TASOR2: variants seen among roughly 807,000 people sequenced by gnomAD.
TASOR2 encodes transcription activation suppressor family member 2.
Under a neutral mutation model 199.5 loss-of-function variants are expected in TASOR2, and 84 were observed. The observed-to-expected ratio is 0.42, with a 90% CI of 0.35 to 0.50. The LOEUF is 0.50. TASOR2 is among the 20% of genes least tolerant of loss of function. The pLI is 0.02. For missense variants in TASOR2, 2,796 were observed against 2,835.9 expected, an observed-to-expected ratio of 0.99 and a Z score of 0.32; for synonymous variants, 1,103 against 1,046.6, an observed-to-expected ratio of 1.05 and a Z score of -1.04.
chr10:5,705,527 G>A (rs1027308773), intron 1 of TASOR2, among the ~76,000 whole-genome samples: 4 of 152,114 alleles, frequency 2.6e-5, no homozygotes, highest in Admixed American at 6.5e-5. Context: ...CATATGGTAA[G>A]TATGTGTTTA....
chr10:5,758,778 G>A (rs371430919), intron 17 of TASOR2, 109 bp from the exon 19 acceptor site: 1 of 754,758 alleles, frequency 1.3e-6, no homozygotes. Flanking sequence ...TCAACCATGG[G>A]TCTTAGTCTG....
At chr10:5,739,806 A>G (rs1836136785) in exon 13 of TASOR2, 2 of 1,614,220 alleles carry the variant, frequency 1.2e-6, no homozygotes, top group Non-Finnish European at 8.5e-7. Flanking sequence ...AAGCTCTGCT[A>G]CTTCTTCCAC....
chr10:5,738,691 A>G lies in TASOR2; in HGVS notation c.1448-927A>G, dbSNP rs555369382. Among the ~76,000 whole-genome samples the G allele has an allele frequency of 6.6e-6, 1 of 152,262 alleles. No homozygotes were observed. The highest frequency in any genetic ancestry group is 1.9e-4 in the East Asian group (1 of 5,188). ...GCCTTGGCTGGCAGGTTGTTAATTC[A>G]TTTTGGACCTGCTACTATGATAAAG... On this transcript the variant is annotated intron_variant, in intron 12 of 20. Coordinates refer to ENST00000328090, the Ensembl canonical transcript of TASOR2. This position sits in a 1 kb window ranked among gnomAD's most constrained non-coding sequence, Gnocchi z 4.7.
rs1450669957 is a variant in TASOR2 at position 5,731,217 on chromosome 10, A to G, written c.1204+14A>G. ...AAAGAAAAAGAGGTAAGCACGATTT[A>G]TTTATGTGGGTTATTATAATAATAG... On this transcript the variant is annotated intron_variant, in intron 11 of 20. Coordinates refer to ENST00000328090, the Ensembl canonical transcript of TASOR2. 1.3e-6 allele frequency: 2 copies of G among 1,592,704 alleles called. No homozygotes were observed. Among genetic ancestry groups the G allele is most frequent in the Non-Finnish European group, 1.7e-6 (2 of 1,175,158 alleles).
At chr10:5,741,623 G>A (rs1836441475) in intron 13 of TASOR2, among the ~76,000 whole-genome samples, 1 of 152,194 alleles carries the variant, frequency 6.6e-6, no homozygotes, top group Non-Finnish European at 1.5e-5. Flanking sequence ...GTATAGTTCT[G>A]TTGAATTGCC....
intron 1 of TASOR2, among the ~76,000 whole-genome samples, chr10:5,695,674 G>A (rs867262733): frequency 6.6e-6 from 1 of 152,056 alleles, no homozygotes; most frequent in African/African-American, 2.4e-5. Flanking sequence ...AAAAGAATAA[G>A]GATATAAATC....
At position 5,730,706 on chromosome 10, in the gene TASOR2, T is replaced by C. The variant is rs535386103; in HGVS notation, c.707T>C (p.Leu236Ser). ...GATAGAATGAAAGACCCTACATTCT[T>C]GGGGAAACTGCCCAGTGGTTTTGAC... is the stretch of plus-strand genomic sequence containing the variant. The change falls in exon 11 of 21, where the codon TTG (leucine) becomes TCG (serine). Residue 236 changes from leucine (L) to serine (S), a missense_variant. Around this residue, in one of 3 missense-constraint regions of TASOR2, gnomAD observed 847 missense variants for 887.4 expected, o/e 0.95. Coordinates refer to ENST00000328090, the Ensembl canonical transcript of TASOR2. The surrounding 1 kb of genome is among the most constrained non-coding windows in gnomAD (Gnocchi z 4.1). The C allele has an allele frequency of 6.2e-7, 1 of 1,614,186 alleles. No homozygotes were observed. The highest frequency in any genetic ancestry group is 1.1e-5 in the South Asian group (1 of 91,076).
Position 5,742,224 on chromosome 10 carries a change from A to G in TASOR2, c.2455A>G (p.Asn819Asp). The stretch of plus-strand genomic sequence containing the variant: ...TTCCCGAAAGGTTGTAGAACACAGC[A>G]ACCCAGCAAAATATGTGTCTATAAA... The change falls in exon 14 of 21, where the codon AAC becomes GAC. Residue 819 changes from asparagine (N) to aspartate (D), a missense_variant. By Grantham distance (23) the Asn-to-Asp change is conservative. Coordinates refer to ENST00000328090, the Ensembl canonical transcript of TASOR2. The surrounding 1 kb of genome is among the most constrained non-coding windows in gnomAD (Gnocchi z 4.2). 6.2e-7 allele frequency: 1 copy of G among 1,614,182 alleles called. No individual in the cohort carries two copies. Among genetic ancestry groups the G allele is most frequent in the Non-Finnish European group, 8.5e-7 (1 of 1,180,022 alleles).
At chr10:5,731,082 T>G (rs757587391) in exon 11 of TASOR2, 1 of 1,613,840 alleles carries the variant, frequency 6.2e-7, no homozygotes, top group Non-Finnish European at 8.5e-7. Flanking sequence ...TGGTGCAGAG[T>G]AAAAAGGTGA....
At chr10:5,749,195 A>G (rs1564356178) in exon 15 of TASOR2, 2 of 1,614,104 alleles carry the variant, frequency 1.2e-6, no homozygotes, top group South Asian at 2.2e-5. Context: ...CTCAGGACTT[A>G]CGCCAACTTC....
chr10:5,759,740 G>A lies in TASOR2; in HGVS notation c.6992+748G>A, dbSNP rs146354477. 1.2e-4 allele frequency among the ~76,000 whole-genome samples: 18 copies of A among 152,376 alleles called. No homozygotes were observed. The East Asian group carries it at 3.3e-3, about 28-fold the overall frequency. ...TCAATCCCAGAAAGACGAAACGACTGTTAGCTGTATGTGACCTTTGAGGAA... is the reference window on the plus strand; with the variant it reads ...TCAATCCCAGAAAGACGAAACGACTATTAGCTGTATGTGACCTTTGAGGAA... On this transcript the variant is annotated intron_variant, in intron 18 of 20. Coordinates refer to ENST00000328090, the Ensembl canonical transcript of TASOR2.
In TASOR2 at chr10:5,720,807, T is replaced by C. The variant is rs745447023; in HGVS notation, c.46+33T>C. ...ATAGTTCATTGATTCTTTTAGGTTTTTTTTTTCTTGAGTAAATGTTTCATC... is the reference window on the plus strand; with the variant it reads ...ATAGTTCATTGATTCTTTTAGGTTTCTTTTTTCTTGAGTAAATGTTTCATC... On this transcript the variant is annotated intron_variant, in intron 5 of 20. Coordinates refer to ENST00000328090, the Ensembl canonical transcript of TASOR2. The surrounding 1 kb of genome is among the most constrained non-coding windows in gnomAD (Gnocchi z 5.3). 2.5e-6 allele frequency: 4 copies of C among 1,599,154 alleles called. No homozygotes were observed. The highest frequency in any genetic ancestry group is 1.8e-5 in the Admixed American group (1 of 56,430).
chr10:5,702,994 T>G (rs1436782729), intron 1 of TASOR2, among the ~76,000 whole-genome samples: 1 of 152,192 alleles, frequency 6.6e-6, no homozygotes, highest in African/African-American at 2.4e-5. Context: ...AGCCAAATAT[T>G]TTTTTGTGCT....
At chr10:5,721,185 A>C (rs1465204087) in intron 6 of TASOR2, among the ~76,000 whole-genome samples, 1 of 152,208 alleles carries the variant, frequency 6.6e-6, no homozygotes, top group Non-Finnish European at 1.5e-5. Context: ...TCTTGGGATA[A>C]ATTAAACTAT....
In TASOR2 at chr10:5,748,654, T is replaced by G. The variant is rs1320097892; in HGVS notation, c.5233T>G (p.Leu1745Val). 4.3e-6 allele frequency: 7 copies of G among 1,614,108 alleles called. No homozygotes were observed. In the South Asian group the frequency reaches 4.4e-5, roughly 10 times the overall value. ...GTCAACATGTGAAACAAAGGAGCTA[T>G]TGAATGTCGGGGTTTCCTCCCTTTG... Residue 1745 changes from leucine (L) to valine (V), a missense_variant, in exon 15 of 21, where the codon TTG (leucine) becomes GTG (valine). This residue lies in a region of TASOR2 where 1,941 missense variants were observed against 1,924.9 expected (regional missense o/e 1.01). Coordinates refer to ENST00000328090, the Ensembl canonical transcript of TASOR2. This position sits in a 1 kb window ranked among gnomAD's most constrained non-coding sequence, Gnocchi z 5.1.
intron 3 of TASOR2, among the ~76,000 whole-genome samples, chr10:5,718,750 A>G (rs1832976202): frequency 7.8e-6 from 1 of 128,282 alleles, no homozygotes; most frequent in Non-Finnish European, 1.7e-5. Context: ...CAAGAACAAA[A>G]AACTCTGTCT....
intron 19 of TASOR2, among the ~76,000 whole-genome samples, chr10:5,762,143 A>G (rs1222718117): frequency 6.6e-6 from 1 of 151,808 alleles, no homozygotes; most frequent in Non-Finnish European, 1.5e-5. Context: ...ATGTGTGCCT[A>G]TAGTCCTAGC....
chr10:5,689,347 A>T lies in TASOR2; in HGVS notation c.-288+4172A>T, dbSNP rs1465242178. Among the ~76,000 whole-genome samples, 2 of 152,148 alleles carry T rather than the reference A, an allele frequency of 1.3e-5. No homozygotes were observed. The highest frequency in any genetic ancestry group is 1.5e-5 in the Non-Finnish European group (1 of 68,024). ...CCGGGTGCGGTGGCTCACGCCTGTA[A>T]TCCCAGCACTTTGGGTGGCCGAGGT... is the stretch of plus-strand genomic sequence containing the variant. On this transcript the variant is annotated intron_variant, in intron 1 of 20. Coordinates refer to ENST00000328090, the Ensembl canonical transcript of TASOR2. The surrounding 1 kb of genome is among the most constrained non-coding windows in gnomAD (Gnocchi z 4.1).
At chr10:5,732,253 G>A (rs533745072) in intron 11 of TASOR2, among the ~76,000 whole-genome samples, 2 of 152,362 alleles carry the variant, frequency 1.3e-5, no homozygotes, top group South Asian at 2.1e-4. Context: ...GAGTAGGGAA[G>A]TATATGGGTG....
Sources: allele counts gnomAD v4.1 joint callset (sites outside exome capture counted in the v4.1 genomes callset), GRCh38; gene constraint gnomAD v4.1.1; regional missense constraint gnomAD v4.1.1; non-coding constraint Gnocchi (gnomAD v3.1); transcripts MANE v1.5; gene names NCBI Gene and HGNC (gene_info 2026-07-23, HGNC 2026-07-21).